EYS: variants seen among roughly 807,000 people sequenced by gnomAD.
The protein encoded by EYS is EGF-like photoreceptor maintenance factor.
Under a neutral mutation model 282.1 loss-of-function variants are expected in EYS, and 250 were observed. The ratio of observed to expected loss-of-function variants is 0.89; its 90% CI spans 0.80 to 0.98. The LOEUF (loss-of-function observed/expected upper bound fraction) is 0.98, where lower values mean the gene tolerates loss of function less well. EYS is among the 50% of genes least tolerant of loss of function. The pLI is 0.00. For synonymous variants in EYS, 1,355 were observed against 1,282.9 expected (o/e 1.06, Z -1.20); for missense variants, 4,016 against 3,709.0 (o/e 1.08, Z -2.15).
intron 14 of EYS, among the ~76,000 whole-genome samples, chr6:64,978,176 T>A (rs1451687478): frequency 1.3e-5 from 2 of 151,884 alleles, no homozygotes; most frequent in Non-Finnish European, 2.9e-5. Context: ...AATTCAAAGC[T>A]TCAGAGGACA....
chr6:64,225,874 A>G (rs1429098710), intron 31 of EYS, among the ~76,000 whole-genome samples: 1 of 152,164 alleles, frequency 6.6e-6, no homozygotes, highest in Non-Finnish European at 1.5e-5. Context: ...CCTTTTAGTC[A>G]CTGTTCTTGA....
chr6:65,242,813 G>A (rs1024283154), intron 12 of EYS, among the ~76,000 whole-genome samples: 1 of 151,744 alleles, frequency 6.6e-6, no homozygotes, highest in African/African-American at 2.4e-5. Context: ...TTGATCTAGT[G>A]GTTGTAAAGT....
At chr6:63,828,444 C>G (rs944090424) in intron 36 of EYS, among the ~76,000 whole-genome samples, 1 of 152,078 alleles carries the variant, frequency 6.6e-6, no homozygotes, top group African/African-American at 2.4e-5. Flanking sequence ...AGCACATAAA[C>G]TAGAAAACCT....
At chr6:64,603,375 T>C (rs537714536) in intron 24 of EYS, among the ~76,000 whole-genome samples, 1 of 151,928 alleles carries the variant, frequency 6.6e-6, no homozygotes, top group Admixed American at 6.6e-5. Flanking sequence ...TGATACATAA[T>C]GAGTTGAAGC....
intron 13 of EYS, among the ~76,000 whole-genome samples, chr6:65,010,052 G>A (rs909904531): frequency 3.3e-5 from 5 of 152,136 alleles, no homozygotes; most frequent in Non-Finnish European, 7.4e-5. Context: ...GGCTTTCCAG[G>A]CCCTAAAGAA....
At chr6:64,255,727 G>A (rs1402420405) in intron 30 of EYS, among the ~76,000 whole-genome samples, 1 of 151,958 alleles carries the variant, frequency 6.6e-6, no homozygotes, top group Non-Finnish European at 1.5e-5. Flanking sequence ...GTGTATGTTT[G>A]TGTTTGAACA....
At chr6:63,804,380 GA>G (rs1770853147) in intron 37 of EYS, among the ~76,000 whole-genome samples, 1 of 152,124 alleles carries the variant, frequency 6.6e-6, no homozygotes, top group Non-Finnish European at 1.5e-5. Context: ...ACGCTGTAAG[GA>G]AATACACTGT....
intron 33 of EYS, among the ~76,000 whole-genome samples, chr6:64,042,047 A>T (rs1433559510): frequency 6.6e-6 from 1 of 152,204 alleles, no homozygotes; most frequent in Non-Finnish European, 1.5e-5. Context: ...AAAAGCTGTT[A>T]GAAAAATCTC....
chr6:63,936,066 T>C (rs962506448), intron 35 of EYS, among the ~76,000 whole-genome samples: 5 of 152,212 alleles, frequency 3.3e-5, no homozygotes, highest in Admixed American at 1.3e-4. Context: ...TTCAAACTTA[T>C]ATTGTGATAT....
Position 63,984,500 on chromosome 6 carries a change from T to G in EYS, c.6938A>C (p.Gln2313Pro). Residue 2313 changes from glutamine (Q) to proline (P), a missense_variant, in exon 35 of 43, where the codon CAA (glutamine) becomes CCA (proline). By Grantham distance (76) the Gln-to-Pro change is moderately conservative. Transcript: ENST00000503581. ...YGFRGCILDL[Q>P]VNNKEFFIID... ...GATGAAGAATTCTTTGTTGTTTACT[T>G]GAAGGTCTAGAATGCAGCCCCTGAA... The G allele has an allele frequency of 1.3e-6, 2 of 1,549,694 alleles. No homozygotes were observed. Among genetic ancestry groups the G allele is most frequent in the Non-Finnish European group, 8.7e-7 (1 of 1,145,506 alleles).
chr6:64,335,370 C>A (rs990651286), intron 29 of EYS, among the ~76,000 whole-genome samples: 2 of 151,932 alleles, frequency 1.3e-5, no homozygotes, highest in African/African-American at 4.8e-5. Flanking sequence ...ATTACAGGCC[C>A]AGCGAGTTTC....
intron 13 of EYS, among the ~76,000 whole-genome samples, chr6:65,032,822 C>T (rs1772647376): frequency 6.6e-6 from 1 of 152,010 alleles, no homozygotes; most frequent in African/African-American, 2.4e-5. Flanking sequence ...GTGCAATGGG[C>T]AGAAGCTGAA....
At chr6:65,066,290 C>T (rs76040876) in intron 12 of EYS, among the ~76,000 whole-genome samples, 2,580 of 152,246 alleles carry the variant, frequency 0.017, 78 homozygotes, top group African/African-American at 0.059. Context: ...AGCTGTGAGT[C>T]ATGTAAAAAT....
At chr6:64,047,234 A>G (rs1417034049) in intron 33 of EYS, among the ~76,000 whole-genome samples, 1 of 152,136 alleles carries the variant, frequency 6.6e-6, no homozygotes, top group African/African-American at 2.4e-5. Context: ...TATTTTGGTG[A>G]GGAGAAGTAA....
rs907843852 is a variant in EYS, at chr6:64,902,555, A to C, written c.2642-55T>G. On this transcript the variant is annotated intron_variant, in intron 16 of 42. Coordinates refer to ENST00000503581, the MANE Select transcript of EYS (RefSeq NM_001142800.2). ...AGCAATCCTTGTTATAGAGTAAAAA[A>C]ATCAGAATCAGTGGTAGTCTAAAGA... 9 of 1,040,450 alleles carry C rather than the reference A, an allele frequency of 8.7e-6. No individual in the cohort carries two copies. The African/African-American group carries it at 1.5e-4, about 18-fold the overall frequency. The allele number at this position is 1,040,450 out of a possible 1,614,324, so 64.5% of individuals were successfully genotyped here. A position where few individuals can be genotyped will look rare whatever the true frequency, so the allele number is the denominator to read the frequency against.
chr6:65,309,132 G>A (rs1190787673), intron 11 of EYS, among the ~76,000 whole-genome samples: 3 of 152,292 alleles, frequency 2.0e-5, no homozygotes, highest in Middle Eastern at 3.4e-3. Flanking sequence ...AATACAGAAT[G>A]TTATGAGATA....
At position 64,147,760 on chromosome 6, in the gene EYS, C is replaced by T. The variant is rs796190226; in HGVS notation, c.6425-65758G>A. Among the ~76,000 whole-genome samples the T allele has an allele frequency of 9.9e-5, 15 of 152,284 alleles. 1 individual carries two copies. Among genetic ancestry groups the T allele is most frequent in the African/African-American group, 3.6e-4 (15 of 41,568 alleles). On this transcript the variant is annotated intron_variant, in intron 31 of 42. Coordinates refer to ENST00000503581, the MANE Select transcript of EYS (RefSeq NM_001142800.2). ...GCTTAATTGCTGATGCTCACTTTTC[C>T]AGCCTTCTTTGCCCGTGCTATGTAG...
At chr6:64,420,293 G>A (rs567131734) in intron 28 of EYS, among the ~76,000 whole-genome samples, 1 of 152,100 alleles carries the variant, frequency 6.6e-6, no homozygotes, top group Non-Finnish European at 1.5e-5. Flanking sequence ...TACAGCCGGG[G>A]GAGCCTGGGC....
chr6:64,651,598 G>T (rs762419975), intron 22 of EYS, among the ~76,000 whole-genome samples: 4 of 152,160 alleles, frequency 2.6e-5, no homozygotes, highest in Non-Finnish European at 5.9e-5. Flanking sequence ...CGGGAGAATC[G>T]CTTGAACCCG....
Sources: gnomAD v4.1 joint callset for allele counts (sites outside exome capture counted in the v4.1 genomes callset) on GRCh38, gnomAD v4.1.1 for gene constraint, MANE v1.5 for transcripts, NCBI Gene and HGNC (gene_info 2026-07-23, HGNC 2026-07-21) for gene names.